The following PRKN variants were observed in gnomAD, a reference collection of about 807,000 sequenced individuals.
PRKN encodes parkin RBR E3 ubiquitin protein ligase, also known as E3 ubiquitin-protein ligase parkin.
PRKN carries 56 observed loss-of-function variants against 59.5 expected under a neutral mutation model. That is an observed-to-expected ratio of 0.94 (90% CI 0.76 to 1.18). PRKN has a LOEUF of 1.18. Among genes scored for constraint, PRKN ranks in the 50% most tolerant of loss-of-function variants. The pLI, the probability that PRKN is intolerant of heterozygous loss-of-function variation, is 0.00. For synonymous variants in PRKN, 250 were observed against 222.1 expected (o/e 1.13, Z -1.12); for missense variants, 657 against 596.4 (o/e 1.10, Z -1.06).
intron 2 of PRKN, among the ~76,000 whole-genome samples, chr6:162,339,533 C>A (rs1170569537): frequency 6.9e-6 from 1 of 145,876 alleles, no homozygotes; most frequent in African/African-American, 2.5e-5. Flanking sequence ...CAGCCCCCCG[C>A]CCGGCCAGCC....
intron 2 of PRKN, among the ~76,000 whole-genome samples, chr6:162,329,394 C>T (rs9347621): frequency 0.26 from 39,966 of 151,942 alleles, 5,798 homozygotes; most frequent in Middle Eastern, 0.34. Flanking sequence ...ATATCGATGG[C>T]TCCTTTTAGC....
In PRKN at chr6:161,448,259, C is replaced by T. The variant is rs1027453813; in HGVS notation, c.1084-61382G>A. On this transcript the variant is annotated intron_variant, in intron 9 of 11. Transcript: ENST00000366898. This position sits in a 1 kb window ranked among gnomAD's most constrained non-coding sequence, Gnocchi z 5.1. Reference sequence around the variant, plus strand: ...GAAATTCATCATTCTTTGGTGTCTGCGTATCTCTGAATGGCCACTCCCATG... The same window carrying T: ...GAAATTCATCATTCTTTGGTGTCTGTGTATCTCTGAATGGCCACTCCCATG... Among the ~76,000 whole-genome samples, 3 of 152,160 alleles carry T rather than the reference C, an allele frequency of 2.0e-5. No homozygotes were observed. Among genetic ancestry groups the T allele is most frequent in the Non-Finnish European group, 2.9e-5 (2 of 68,042 alleles).
At chr6:161,899,100 T>C (rs779025432) in intron 6 of PRKN, among the ~76,000 whole-genome samples, 23 of 152,202 alleles carry the variant, frequency 1.5e-4, no homozygotes, top group Non-Finnish European at 2.5e-4. Context: ...GTCAGCATCC[T>C]CCACCCCGCA....
At position 162,133,946 on chromosome 6, in the gene PRKN, A is replaced by G. The variant is rs75672498; in HGVS notation, c.534+67185T>C. ...TTGAGGCATTTTTAGTAGAAAAAGAAAGAGAGAATTTGGGTAGTAGATGGT... is the reference window on the plus strand; with the variant it reads ...TTGAGGCATTTTTAGTAGAAAAAGAGAGAGAGAATTTGGGTAGTAGATGGT... On this transcript the variant is annotated intron_variant, in intron 4 of 11. Coordinates refer to ENST00000366898, the MANE Select transcript of PRKN (RefSeq NM_004562.3). Among the ~76,000 whole-genome samples, 456 of 152,310 alleles carry G rather than the reference A, an allele frequency of 3.0e-3. 15 individuals carry two copies. The East Asian group carries it at 0.059, about 20-fold the overall frequency.
At chr6:162,679,545 A>C (rs910933745) in intron 1 of PRKN, among the ~76,000 whole-genome samples, 3 of 152,192 alleles carry the variant, frequency 2.0e-5, no homozygotes, top group East Asian at 3.9e-4. Flanking sequence ...TGGAAGTCTT[A>C]TAGTTTTAAC....
intron 1 of PRKN, among the ~76,000 whole-genome samples, chr6:162,549,311 G>C (rs960846348): frequency 3.3e-5 from 5 of 152,228 alleles, no homozygotes; most frequent in African/African-American, 4.8e-5. Flanking sequence ...GCCGTCTATG[G>C]TAATTTGTTA....
rs567591755 is a variant in PRKN, at chr6:162,467,840, C to G, written c.8-24367G>C. Among the ~76,000 whole-genome samples, 24 of 152,238 alleles carry G rather than the reference C, an allele frequency of 1.6e-4. No individual in the cohort carries two copies. The South Asian group carries it at 5.0e-3, about 32-fold the overall frequency. ...CCCGCTACGCCGCCCACCGAGCTCCCGCTATGCTGTGTCTGGAAGAAGCCA... is the reference window on the plus strand; with the variant it reads ...CCCGCTACGCCGCCCACCGAGCTCCGGCTATGCTGTGTCTGGAAGAAGCCA... On this transcript the variant is annotated intron_variant, in intron 1 of 11. Coordinates refer to ENST00000366898, the MANE Select transcript of PRKN (RefSeq NM_004562.3).
chr6:162,681,322 A>C (rs1779760559), intron 1 of PRKN, among the ~76,000 whole-genome samples: 1 of 152,188 alleles, frequency 6.6e-6, no homozygotes, highest in Non-Finnish European at 1.5e-5. Context: ...GAAAACTTAA[A>C]GGTGTGTTGG....
chr6:162,302,050 T>A (rs1781985174), intron 2 of PRKN, among the ~76,000 whole-genome samples: 1 of 152,164 alleles, frequency 6.6e-6, no homozygotes, highest in Admixed American at 6.5e-5. Flanking sequence ...ATGGTTTGAT[T>A]TGGTTTGAAC....
intron 6 of PRKN, among the ~76,000 whole-genome samples, chr6:161,955,097 A>G (rs1780123587): frequency 6.6e-6 from 1 of 152,208 alleles, no homozygotes; most frequent in Non-Finnish European, 1.5e-5. Context: ...GTCTCACAAA[A>G]TCATTCCTGG....
intron 6 of PRKN, among the ~76,000 whole-genome samples, chr6:161,894,286 G>C (rs1777527918): frequency 6.6e-6 from 1 of 152,042 alleles, no homozygotes; most frequent in South Asian, 2.1e-4. Flanking sequence ...GATTTCATGC[G>C]AGTCTCATTA....
intron 1 of PRKN, among the ~76,000 whole-genome samples, chr6:162,446,161 T>A (rs914540274): frequency 3.9e-5 from 6 of 152,098 alleles, no homozygotes; most frequent in Admixed American, 6.5e-5. Flanking sequence ...CTTCACAGCA[T>A]CCTCAGATCA....
At chr6:161,668,417 C>T (rs2128167996) in intron 7 of PRKN, among the ~76,000 whole-genome samples, 1 of 152,226 alleles carries the variant, frequency 6.6e-6, no homozygotes, top group East Asian at 1.9e-4. Flanking sequence ...ATTAAAAATA[C>T]AAACAACAAT....
chr6:162,293,816 C>T (rs567780678), intron 2 of PRKN, among the ~76,000 whole-genome samples: 1 of 152,194 alleles, frequency 6.6e-6, no homozygotes, highest in African/African-American at 2.4e-5. Flanking sequence ...AGAAGGGAGA[C>T]AGAGAGTGCC....
intron 7 of PRKN, among the ~76,000 whole-genome samples, chr6:161,783,104 G>A (rs562510409): frequency 6.6e-6 from 1 of 152,082 alleles, no homozygotes; most frequent in South Asian, 2.1e-4. Context: ...TACTGTTGTG[G>A]GTGCATTCCA....
At chr6:162,590,697 C>A (rs778557142) in intron 1 of PRKN, among the ~76,000 whole-genome samples, 1 of 152,186 alleles carries the variant, frequency 6.6e-6, no homozygotes, top group East Asian at 1.9e-4. Flanking sequence ...GTAAGAAACA[C>A]TGACATAACC....
Position 162,352,770 on chromosome 6 carries a change from G to A in PRKN, c.172-90005C>T, listed in dbSNP as rs1269562814. On this transcript the variant is annotated intron_variant, in intron 2 of 11. Transcript: ENST00000366898. ...AATGGAAGCATCGAGAAAGGACAGA[G>A]AGAGTATTATAATTCTAGCAATAGA... 2.0e-5 allele frequency among the ~76,000 whole-genome samples: 3 copies of A among 152,296 alleles called. No homozygotes were observed. The East Asian group carries it at 5.8e-4, about 29-fold the overall frequency.
intron 4 of PRKN, among the ~76,000 whole-genome samples, chr6:162,131,406 A>AG (rs1285820350): frequency 2.0e-5 from 3 of 152,188 alleles, no homozygotes; most frequent in African/African-American, 4.8e-5. Context: ...ACACATTTCC[A>AG]GGTTTCTATA....
chr6:162,700,840 C>T (rs1478797595), intron 1 of PRKN, among the ~76,000 whole-genome samples: 1 of 151,952 alleles, frequency 6.6e-6, no homozygotes, highest in Non-Finnish European at 1.5e-5. Flanking sequence ...ATTAAAAATA[C>T]TATACATCCT....
Sources: gnomAD v4.1 joint callset for allele counts (sites outside exome capture counted in the v4.1 genomes callset) on GRCh38, gnomAD v4.1.1 for gene constraint, Gnocchi (gnomAD v3.1) non-coding constraint, MANE v1.5 for transcripts, NCBI Gene and HGNC (gene_info 2026-07-23, HGNC 2026-07-21) for gene names.